The following DCLK2 variants were observed in gnomAD, a reference collection of about 807,000 sequenced individuals.
DCLK2 encodes the protein serine/threonine-protein kinase DCLK2.
Under a neutral mutation model 78.4 loss-of-function variants are expected in DCLK2, and 31 were observed. The ratio of observed to expected loss-of-function variants is 0.40; its 90% CI spans 0.30 to 0.53. DCLK2 has a LOEUF of 0.53. Among genes scored for constraint, DCLK2 ranks in the 20% least tolerant of loss-of-function variants. DCLK2 has a pLI of 0.61. For synonymous variants in DCLK2, 407 were observed against 374.9 expected (o/e 1.09, Z -0.99); for missense variants, 872 against 973.7 (o/e 0.90, Z 1.39).
intron 1 of DCLK2, among the ~76,000 whole-genome samples, chr4:150,097,388 C>T (rs1239466937): frequency 6.6e-6 from 1 of 152,056 alleles, no homozygotes; most frequent in East Asian, 1.9e-4. Flanking sequence ...GCCTGGAACT[C>T]CTGGCCTGAA....
intron 2 of DCLK2, among the ~76,000 whole-genome samples, chr4:150,158,711 T>C (rs778238060): frequency 3.3e-5 from 5 of 152,108 alleles, no homozygotes; most frequent in Non-Finnish European, 7.4e-5. Flanking sequence ...ATAACTGAAA[T>C]AGTAGTGATT....
chr4:150,248,175 A>G lies in DCLK2; in HGVS notation c.1876-130A>G, dbSNP rs1743477346. The stretch of plus-strand genomic sequence containing the variant: ...TAGGAGAGTAGGTATAATCACGTTT[A>G]GGTTTGAATCAGTTAGCAGCTGTGC... On this transcript the variant is annotated intron_variant, in intron 13 of 15. Transcript: ENST00000296550. 5.7e-6 allele frequency: 4 copies of G among 705,178 alleles called. No individual in the cohort carries two copies. In the Admixed American group the frequency reaches 9.2e-5, roughly 16 times the overall value. The allele number at this position is 705,178 out of a possible 1,614,324, so 43.7% of individuals were successfully genotyped here.
Position 150,247,636 on chromosome 4 carries a change from G to C in DCLK2, c.1812G>C (p.Gln604His), listed in dbSNP as rs773232962. 6.2e-6 allele frequency: 10 copies of C among 1,614,094 alleles called. No individual in the cohort carries two copies. The highest frequency in any genetic ancestry group is 7.6e-6 in the Non-Finnish European group (9 of 1,180,010). Residue 604 changes from glutamine (Q) to histidine (H), a missense_variant, in exon 13 of 16, where the codon CAG becomes CAC. Around this residue, in one of 3 missense-constraint regions of DCLK2, gnomAD observed 219 missense variants for 230.1 expected, o/e 0.95. Coordinates refer to ENST00000296550, the MANE Select transcript of DCLK2 (RefSeq NM_001040260.4). ...ATCTCCAGGAAGATCTCTTCGACCA[G>C]ATCTTGGCTGGGAAGCTGGAGTTTC... ...ENNLQEDLFDQILAGKLEFPA... is the reference protein window; with the variant it reads ...ENNLQEDLFDHILAGKLEFPA...
intron 1 of DCLK2, among the ~76,000 whole-genome samples, chr4:150,084,987 G>T (rs1729542814): frequency 6.6e-6 from 1 of 152,164 alleles, no homozygotes; most frequent in Non-Finnish European, 1.5e-5. Context: ...AGCAGTCATT[G>T]TGTGAGGTAC....
chr4:150,228,887 G>A (rs968551654), intron 8 of DCLK2, among the ~76,000 whole-genome samples: 4 of 151,880 alleles, frequency 2.6e-5, no homozygotes, highest in Non-Finnish European at 5.9e-5. Context: ...TTAGCCAGGC[G>A]CGGTGGCGGG....
intron 2 of DCLK2, among the ~76,000 whole-genome samples, chr4:150,136,886 G>A (rs192383722): frequency 6.6e-6 from 1 of 151,496 alleles, no homozygotes; most frequent in Non-Finnish European, 1.5e-5. Flanking sequence ...TGCTGGTGTT[G>A]TGAAGTTGTG....
At position 150,178,484 on chromosome 4, in the gene DCLK2, G is replaced by A. The variant is rs554864520; in HGVS notation, c.757-14654G>A. The stretch of plus-strand genomic sequence containing the variant: ...TGTAGCTTATTCAGAGGATTTCTTC[G>A]ACCGTAGATGTGAGAACTTCATCTA... On this transcript the variant is annotated intron_variant, in intron 2 of 15. Coordinates refer to ENST00000296550, the MANE Select transcript of DCLK2 (RefSeq NM_001040260.4). Among the ~76,000 whole-genome samples the A allele has an allele frequency of 4.0e-5, 6 of 151,332 alleles. No homozygotes were observed. The South Asian group carries it at 1.2e-3, about 31-fold the overall frequency.
At position 150,079,125 on chromosome 4, in the gene DCLK2, G is replaced by T. The variant is rs200222469; in HGVS notation, c.98G>T (p.Gly33Val). 4.8e-4 allele frequency: 757 copies of T among 1,582,404 alleles called. No individual in the cohort carries two copies. The highest frequency in any genetic ancestry group is 6.0e-4 in the Non-Finnish European group (695 of 1,165,756). The change falls in exon 1 of 16, where the codon GGC (glycine) becomes GTC (valine). Residue 33 changes from glycine to valine, a missense_variant. Gly to Val is a moderately radical substitution (Grantham distance 109). Coordinates refer to ENST00000296550, the MANE Select transcript of DCLK2 (RefSeq NM_001040260.4). Reference sequence around the variant, plus strand: ...AGAGGGGCCCCCAGCTCCTCCGGGGGCAGCAGCAGCTCGGGCCCCAAGGGG... The same window carrying T: ...AGAGGGGCCCCCAGCTCCTCCGGGGTCAGCAGCAGCTCGGGCCCCAAGGGG... Reference protein sequence around the residue: ...SRRGAPSSSGGSSSSGPKGNG... With the variant: ...SRRGAPSSSGVSSSSGPKGNG...
intron 2 of DCLK2, among the ~76,000 whole-genome samples, chr4:150,146,746 A>C (rs1398346574): frequency 2.6e-5 from 4 of 152,192 alleles, no homozygotes; most frequent in Non-Finnish European, 5.9e-5. Flanking sequence ...CCTCAGATAT[A>C]TGAGTTCTGT....
At chr4:150,097,266 G>A (rs548860375) in intron 1 of DCLK2, among the ~76,000 whole-genome samples, 6 of 151,162 alleles carry the variant, frequency 4.0e-5, no homozygotes, top group East Asian at 3.9e-4. Flanking sequence ...GGGTTCAAGC[G>A]ATTCTAGTGT....
intron 2 of DCLK2, among the ~76,000 whole-genome samples, chr4:150,173,639 A>C (rs1736719450): frequency 6.6e-6 from 1 of 152,204 alleles, no homozygotes; most frequent in Non-Finnish European, 1.5e-5. Context: ...AAATAGAAAA[A>C]TTGAGCTTGA....
chr4:150,129,195 C>CA (rs1203999110), intron 2 of DCLK2, among the ~76,000 whole-genome samples: 4 of 151,964 alleles, frequency 2.6e-5, no homozygotes, highest in Non-Finnish European at 4.4e-5. Context: ...ACTGTGACAA[C>CA]AAAAAATGAA....
intron 1 of DCLK2, among the ~76,000 whole-genome samples, chr4:150,097,748 C>T (rs1730566185): frequency 6.6e-6 from 1 of 152,162 alleles, no homozygotes; most frequent in South Asian, 2.1e-4. Context: ...GTTTTATAAC[C>T]ACCTTATGCT....
chr4:150,201,953 C>A (rs1253522010), intron 4 of DCLK2, among the ~76,000 whole-genome samples: 1 of 152,162 alleles, frequency 6.6e-6, no homozygotes, highest in Non-Finnish European at 1.5e-5. Context: ...AGGTTCACAG[C>A]CAAAGGTACA....
At chr4:150,146,465 GAGA>G (rs1286454956) in intron 2 of DCLK2, among the ~76,000 whole-genome samples, 1 of 152,208 alleles carries the variant, frequency 6.6e-6, no homozygotes, top group Non-Finnish European at 1.5e-5. Context: ...ATGTTCAGAA[GAGA>G]AGAATACAAA....
chr4:150,250,522 C>T (rs919082371), intron 15 of DCLK2, among the ~76,000 whole-genome samples: 3 of 151,940 alleles, frequency 2.0e-5, no homozygotes, highest in Non-Finnish European at 2.9e-5. Context: ...CTCCCAGGAG[C>T]AGGGAACAGG....
intron 8 of DCLK2, among the ~76,000 whole-genome samples, chr4:150,224,780 C>T (rs1280117384): frequency 1.3e-5 from 2 of 152,172 alleles, no homozygotes; most frequent in African/African-American, 4.8e-5. Flanking sequence ...AACTAGAAAA[C>T]GTAGATTCTT....
intron 2 of DCLK2, among the ~76,000 whole-genome samples, chr4:150,157,489 TTTTGTTTGTTTGTTTG>T (rs140147570): frequency 1.1e-4 from 11 of 98,820 alleles, no homozygotes; most frequent in East Asian, 5.6e-4. Flanking sequence ...GAGATGGTTT[TTTTGTTTGTTTGTTTG>T]TTTGTTTGTT....
intron 2 of DCLK2, among the ~76,000 whole-genome samples, chr4:150,114,250 T>C (rs1374502745): frequency 2.6e-5 from 4 of 152,212 alleles, no homozygotes; most frequent in Non-Finnish European, 5.9e-5. Context: ...TGTAAATATC[T>C]GTTAGGTCCA....
Sources: gnomAD v4.1 joint callset for allele counts (sites outside exome capture counted in the v4.1 genomes callset) on GRCh38, gnomAD v4.1.1 for gene constraint, gnomAD v4.1.1 regional missense constraint, MANE v1.5 for transcripts, NCBI Gene and HGNC (gene_info 2026-07-23, HGNC 2026-07-21) for gene names.